HOOK2: variants seen among roughly 807,000 people sequenced by gnomAD.
HOOK2 encodes protein Hook homolog 2.
HOOK2 carries 108 observed loss-of-function variants against 111.9 expected under a neutral mutation model. The observed-to-expected ratio is 0.96, with a 90% CI of 0.83 to 1.13. The LOEUF is 1.13. Ranked by LOEUF, HOOK2 falls within the 50% of genes most tolerant of loss-of-function variation. The pLI is 0.00. For missense variants in HOOK2, 978 were observed against 951.3 expected (o/e 1.03, Z -0.37); for synonymous variants, 405 against 394.3 (o/e 1.03, Z -0.32).
chr19:12,783,313 C>G (rs937033326), upstream of HOOK2, among the ~76,000 whole-genome samples: 32 of 150,408 alleles, frequency 2.1e-4, no homozygotes, highest in South Asian at 2.3e-3. Flanking sequence ...GGCGCCCCCC[C>G]CAACTCCGCC....
chr19:12,780,864 G>C (rs1464314050), upstream of HOOK2, among the ~76,000 whole-genome samples: 1 of 141,310 alleles, frequency 7.1e-6, no homozygotes, highest in African/African-American at 2.6e-5. Flanking sequence ...TGTAGTCCCA[G>C]CTACTGGGGA....
upstream of HOOK2, among the ~76,000 whole-genome samples, chr19:12,783,154 C>T (rs1006701730): frequency 6.6e-6 from 1 of 152,080 alleles, no homozygotes; most frequent in Non-Finnish European, 1.5e-5. Context: ...CCGCGTGTGA[C>T]TCAGGCCCCT....
upstream of HOOK2, among the ~76,000 whole-genome samples, chr19:12,776,240 C>G (rs1438561891): frequency 1.3e-5 from 2 of 151,936 alleles, no homozygotes; most frequent in Admixed American, 1.3e-4. Flanking sequence ...GGGGCGAGCC[C>G]TGGCACTTTC....
At chr19:12,777,008 T>A (rs1166316940), upstream of HOOK2, among the ~76,000 whole-genome samples, 2 of 150,066 alleles carry the variant, frequency 1.3e-5, no homozygotes, top group Admixed American at 1.3e-4. Context: ...ATACAAAAAA[T>A]TAGCCGGGCA....
In HOOK2 at chr19:12,773,220, C is replaced by T. The variant is rs917298966; in HGVS notation, c.205-176G>A. On this transcript the variant is annotated intron_variant, in intron 3 of 22. Transcript: ENST00000397668. ...TGTCTGCCCCTTTTGTCTGCCTGACCATCTTTGTTTCTTTTTTTTTTTTTT... is the reference window on the plus strand; with the variant it reads ...TGTCTGCCCCTTTTGTCTGCCTGACTATCTTTGTTTCTTTTTTTTTTTTTT... The T allele has an allele frequency of 1.3e-4, 65 of 519,688 alleles. 1 individual carries two copies. The highest frequency in any genetic ancestry group is 2.1e-4 in the Non-Finnish European group (60 of 292,574). 32.2% of individuals were successfully genotyped at this position (519,688 alleles called of 1,614,324 possible).
At chr19:12,783,216 C>G (rs1486677856), upstream of HOOK2, among the ~76,000 whole-genome samples, 1 of 152,092 alleles carries the variant, frequency 6.6e-6, no homozygotes, top group Non-Finnish European at 1.5e-5. Flanking sequence ...GGCCGAGAAC[C>G]AAGTTCTGGG....
intron 11 of HOOK2, 70 bp from the exon 12 acceptor site, chr19:12,768,193 TC>T: frequency 8.1e-7 from 1 of 1,231,666 alleles, no homozygotes. Context: ...GTACAAATGG[TC>T]CCCGATCCAG....
At chr19:12,777,903 G>A (rs766418835), upstream of HOOK2, among the ~76,000 whole-genome samples, 2 of 152,262 alleles carry the variant, frequency 1.3e-5, no homozygotes, top group Non-Finnish European at 2.9e-5. Context: ...TGCAGTCCTT[G>A]CGCTAAGCGA....
At chr19:12,767,505 C>A in intron 13 of HOOK2, 41 bp from the exon 14 acceptor site, 1 of 1,493,380 alleles carries the variant, frequency 6.7e-7, no homozygotes, top group South Asian at 1.1e-5. Flanking sequence ...CTTCGCATCC[C>A]CTGTCCCCGC....
rs1443739522 is a variant in HOOK2 at position 12,764,730 on chromosome 19, GC to G, written c.1827+83del. ...AGGTATGAGTTGGGGGCACAGATGT[GC>G]AAGCAGGAGGTTTGACTCAATAGGA... On this transcript the variant is annotated intron_variant, in intron 20 of 22. Coordinates refer to ENST00000397668, the MANE Select transcript of HOOK2 (RefSeq NM_013312.3). The G allele has an allele frequency of 2.7e-5, 31 of 1,134,062 alleles. No homozygotes were observed. In the East Asian group the frequency reaches 7.3e-4, roughly 27 times the overall value. The allele number at this position is 1,134,062 out of a possible 1,614,324, so 70.2% of individuals were successfully genotyped here.
At chr19:12,780,482 A>C (rs371030471), upstream of HOOK2, among the ~76,000 whole-genome samples, 114 of 150,248 alleles carry the variant, frequency 7.6e-4, no homozygotes, top group African/African-American at 2.6e-3. Context: ...TCAGCCTCCC[A>C]AGTAGCTGGG....
intron 10 of HOOK2, among the ~76,000 whole-genome samples, chr19:12,770,451 G>C (rs142879061): frequency 6.6e-6 from 1 of 151,760 alleles, no homozygotes; most frequent in Non-Finnish European, 1.5e-5. Flanking sequence ...TGCAATTGGG[G>C]GGTGCACTAG....
At chr19:12,785,745 C>T (rs910071262) in intron 3 of HOOK2, among the ~76,000 whole-genome samples, 7 of 152,332 alleles carry the variant, frequency 4.6e-5, no homozygotes, top group South Asian at 2.1e-4. Context: ...GCCAGTCACA[C>T]GCTTGCCCCC....
At chr19:12,763,646 G>A (rs749337910) in intron 21 of HOOK2, 22 bp downstream of exon 21, 55 of 1,613,826 alleles carry the variant, frequency 3.4e-5, no homozygotes, top group Non-Finnish European at 3.5e-5. Context: ...TGGAGGCAGC[G>A]TAAAGGGACG....
rs367658898 is a variant in HOOK2 at position 12,763,633 on chromosome 19, C to T, written c.1939-34G>A. 4.9e-5 allele frequency: 79 copies of T among 1,614,074 alleles called. No homozygotes were observed. In the East Asian group the frequency reaches 8.7e-4, roughly 18 times the overall value. On this transcript the variant is annotated intron_variant, in intron 21 of 22. Coordinates refer to ENST00000397668, the MANE Select transcript of HOOK2 (RefSeq NM_013312.3). Reference sequence around the variant, plus strand: ...GAGGCAAGTGTCAGGGGCCTAGATACGTTGGAGGCAGCGTAAAGGGACGAG... The same window carrying T: ...GAGGCAAGTGTCAGGGGCCTAGATATGTTGGAGGCAGCGTAAAGGGACGAG...
At chr19:12,771,808 G>T in intron 7 of HOOK2, 1 of 371,410 alleles carries the variant, frequency 2.7e-6, no homozygotes, top group African/African-American at 2.1e-5. Context: ...CTTGAACCCG[G>T]GAGGCGGAGG....
chr19:12,785,687 C>T (rs1343378599), intron 3 of HOOK2, among the ~76,000 whole-genome samples: 2 of 152,206 alleles, frequency 1.3e-5, no homozygotes, highest in African/African-American at 4.8e-5. Context: ...TCTCTCAGGC[C>T]TGGGTGTCAG....
At chr19:12,781,008 TAAAG>T (rs1811454520), upstream of HOOK2, among the ~76,000 whole-genome samples, 1 of 110,394 alleles carries the variant, frequency 9.1e-6, no homozygotes. Context: ...AATATAAAAA[TAAAG>T]AAAAAGAAGG....
chr19:12,768,120 GC>G lies in HOOK2; in HGVS notation c.1107del (p.Gln370ArgfsTer12). 6.2e-7 allele frequency: 1 copy of G among 1,613,792 alleles called. No individual in the cohort carries two copies. The highest frequency in any genetic ancestry group is 8.5e-7 in the Non-Finnish European group (1 of 1,179,754). Reference protein sequence around the residue: ...RAQLEAQRRQVQELQGQRQEE... With the variant: ...RAQLEAQRRQXQELQGQRQEE... ...TCCTGCCGCTGGCCCTGCAGTTCCT[GC>G]ACCTGAACACAGAGAGGGGAGGAAT... On this transcript the variant is annotated frameshift_variant and splice_region_variant, in exon 12 of 23. Coordinates refer to ENST00000397668, the MANE Select transcript of HOOK2 (RefSeq NM_013312.3). LOFTEE classifies it high-confidence loss of function.
Sources: gnomAD v4.1 joint callset for allele counts (sites outside exome capture counted in the v4.1 genomes callset) on GRCh38, gnomAD v4.1.1 for gene constraint, MANE v1.5 for transcripts, NCBI Gene and HGNC (gene_info 2026-07-23, HGNC 2026-07-21) for gene names.